Variants in QKI observed in about 807,000 individuals in gnomAD.
QKI encodes the protein QKI, KH domain containing RNA binding, also known as KH domain-containing RNA-binding protein QKI.
In QKI, 10 loss-of-function variants were observed where a neutral mutation model predicts 39.0. The ratio of observed to expected loss-of-function variants is 0.26; its 90% CI spans 0.16 to 0.43. The LOEUF is 0.43. Among genes scored for constraint, QKI ranks in the 20% least tolerant of loss-of-function variants. The pLI, the probability that QKI is intolerant of heterozygous loss-of-function variation, is 1.00. For synonymous variants in QKI, 204 were observed against 155.4 expected, an observed-to-expected ratio of 1.31 and a Z score of -2.33; for missense variants, 218 against 428.0, an observed-to-expected ratio of 0.51 and a Z score of 4.33.
chr6:163,544,783 G>A (rs1781766307), intron 4 of QKI, among the ~76,000 whole-genome samples: 1 of 152,024 alleles, frequency 6.6e-6, no homozygotes, highest in Non-Finnish European at 1.5e-5. Flanking sequence ...ATGTGGATGC[G>A]TCTTTCAAAA....
At chr6:163,516,374 A>C (rs1779799955) in intron 3 of QKI, among the ~76,000 whole-genome samples, 1 of 152,024 alleles carries the variant, frequency 6.6e-6, no homozygotes, top group Non-Finnish European at 1.5e-5. Flanking sequence ...GGATCACTGC[A>C]ACTTCTGCCT....
intron 2 of QKI, among the ~76,000 whole-genome samples, chr6:163,462,418 G>A (rs1457018342): frequency 6.6e-6 from 1 of 152,014 alleles, no homozygotes; most frequent in Admixed American, 6.6e-5. Context: ...CATAAACTTG[G>A]GCATCTACTT....
At chr6:163,494,282 G>A (rs1267400565) in intron 3 of QKI, among the ~76,000 whole-genome samples, 2 of 152,210 alleles carry the variant, frequency 1.3e-5, no homozygotes, top group African/African-American at 4.8e-5. Context: ...CCTGAGTTCT[G>A]TGCAAATACT....
At chr6:163,429,504 TAACTA>T (rs1300065176) in intron 1 of QKI, among the ~76,000 whole-genome samples, 3 of 152,184 alleles carry the variant, frequency 2.0e-5, no homozygotes, top group Non-Finnish European at 2.9e-5. Flanking sequence ...ATAATTTACT[TAACTA>T]ATCTGTTGGA....
intron 2 of QKI, among the ~76,000 whole-genome samples, chr6:163,469,754 T>C (rs1399746264): frequency 6.6e-6 from 1 of 152,162 alleles, no homozygotes; most frequent in Middle Eastern, 3.2e-3. Context: ...ATCTGTGACT[T>C]ACATAAACTG....
At chr6:163,490,236 T>C (rs1777968899) in intron 3 of QKI, among the ~76,000 whole-genome samples, 1 of 152,224 alleles carries the variant, frequency 6.6e-6, no homozygotes, top group African/African-American at 2.4e-5. Context: ...CCATGATATT[T>C]CAGTAAGTAG....
rs1230461228 is a variant in QKI, at chr6:163,571,317, A to G, written c.*607A>G. 1 of 152,226 alleles carries G rather than the reference A, an allele frequency of 6.6e-6. No homozygotes were observed. The highest frequency in any genetic ancestry group is 2.4e-5 in the African/African-American group (1 of 41,458). The allele number at this position is 152,226 out of a possible 1,614,324, so 9.4% of individuals were successfully genotyped here. A position where few individuals can be genotyped will look rare whatever the true frequency, so the allele number is the denominator to read the frequency against. ...GCCTGCCAAAATTTGAAGTATTAGA[A>G]GAAAGTGTGCCATGAGAGAAAAACT... On this transcript the variant is annotated 3_prime_UTR_variant, in exon 8 of 8. Coordinates refer to ENST00000361752, the MANE Select transcript of QKI (RefSeq NM_006775.3).
Position 163,562,054 on chromosome 6 carries a change from G to A in QKI, c.619G>A (p.Ala207Thr). 1 of 1,612,598 alleles carries A rather than the reference G, an allele frequency of 6.2e-7. No homozygotes were observed. Residue 207 changes from alanine to threonine, a missense_variant, in exon 5 of 8, where the codon GCC (alanine) becomes ACC (threonine). By Grantham distance (58) the Ala-to-Thr change is moderately conservative. Around this residue, in one of 3 missense-constraint regions of QKI, gnomAD observed 117 missense variants for 186.0 expected, o/e 0.63. Transcript: ENST00000361752. ...GATTCTGAATGGCACCTACAGAGAT[G>A]CCAACATTAAATCACGTAAGAATGA... ...LAILNGTYRDANIKSPALAFS... is the reference protein window; with the variant it reads ...LAILNGTYRDTNIKSPALAFS...
At chr6:163,569,009 A>G (rs1375463434) in intron 7 of QKI, 1 of 982,868 alleles carries the variant, frequency 1.0e-6, no homozygotes, top group African/African-American at 1.7e-5. Context: ...TTTCTGAGTA[A>G]TACAAAAACC....
intron 4 of QKI, among the ~76,000 whole-genome samples, chr6:163,537,009 G>C (rs1475829817): frequency 6.6e-6 from 1 of 152,084 alleles, no homozygotes; most frequent in African/African-American, 2.4e-5. Context: ...AGGAGTTCGA[G>C]ACCAGCCTGG....
intron 4 of QKI, among the ~76,000 whole-genome samples, chr6:163,560,699 A>G (rs1782939675): frequency 6.6e-6 from 1 of 152,232 alleles, no homozygotes; most frequent in African/African-American, 2.4e-5. Context: ...ATAGGCAACT[A>G]AAGTTTTTTA....
intron 1 of QKI, among the ~76,000 whole-genome samples, chr6:163,444,538 A>G (rs1250246244): frequency 1.5e-5 from 1 of 64,582 alleles, no homozygotes; most frequent in South Asian, 6.0e-4. Flanking sequence ...TTAAAGCAGT[A>G]TATTAAAGAA....
chr6:163,419,520 A>G (rs531359067), intron 1 of QKI, among the ~76,000 whole-genome samples: 12 of 152,300 alleles, frequency 7.9e-5, no homozygotes, highest in Non-Finnish European at 1.3e-4. Context: ...GCTTTTGTAC[A>G]CAGTCCTTGA....
intron 3 of QKI, among the ~76,000 whole-genome samples, chr6:163,495,795 G>C (rs1398220777): frequency 6.6e-6 from 1 of 152,042 alleles, no homozygotes; most frequent in African/African-American, 2.4e-5. Flanking sequence ...TTTTTCACAA[G>C]AATGTTTTAA....
chr6:163,497,182 G>T (rs1778461815), intron 3 of QKI, among the ~76,000 whole-genome samples: 2 of 152,092 alleles, frequency 1.3e-5, no homozygotes, highest in South Asian at 4.1e-4. Context: ...TGTCTTTAGT[G>T]TTGTGCTTTA....
rs955794188 is a variant in QKI, at chr6:163,572,837, A to C, written c.*2127A>C. ...TTTATTTACTATGCAATAGACATTC[A>C]TTGTTTTGTATCCAGCTAGCTTTGG... On this transcript the variant is annotated 3_prime_UTR_variant, in exon 8 of 8. Coordinates refer to ENST00000361752, the MANE Select transcript of QKI (RefSeq NM_006775.3). 1 of 151,830 alleles carries C rather than the reference A, an allele frequency of 6.6e-6. No individual in the cohort carries two copies. The highest frequency in any genetic ancestry group is 1.5e-5 in the Non-Finnish European group (1 of 67,982). The allele number at this position is 151,830 out of a possible 1,614,324, so 9.4% of individuals were successfully genotyped here. A position where few individuals can be genotyped will look rare whatever the true frequency, so the allele number is the denominator to read the frequency against.
At position 163,566,758 on chromosome 6, in the gene QKI, T is replaced by C. The variant is rs1783385632; in HGVS notation, c.972T>C (p.Arg324=). The change falls in exon 7 of 8, where the codon CGT becomes CGC. Residue 324 remains arginine (R), a synonymous_variant. Transcript: ENST00000361752. Reference sequence around the variant, plus strand: ...CTAAAGTTCGAAGGCACGATATGCGTGTCCATCCTTACCAAAGGATTGTGA... The same window carrying C: ...CTAAAGTTCGAAGGCACGATATGCGCGTCCATCCTTACCAAAGGATTGTGA... ...VATKVRRHDM[R]VHPYQRIVTA... 2 of 1,613,778 alleles carry C rather than the reference T, an allele frequency of 1.2e-6. No homozygotes were observed. The highest frequency in any genetic ancestry group is 8.5e-7 in the Non-Finnish European group (1 of 1,179,886).
At position 163,574,526 on chromosome 6, in the gene QKI, A is replaced by C. The variant is rs1474561103; in HGVS notation, c.*3816A>C. 6.6e-6 allele frequency: 1 copy of C among 152,210 alleles called. No individual in the cohort carries two copies. Among genetic ancestry groups the C allele is most frequent in the Non-Finnish European group, 1.5e-5 (1 of 68,042 alleles). 9.4% of individuals were successfully genotyped at this position (152,210 alleles called of 1,614,324 possible). ...TATTTTTTTCTCTGTCACCTACTTT[A>C]CAAATACAGTCAGACTAAAACATTA... On this transcript the variant is annotated 3_prime_UTR_variant, in exon 8 of 8. Coordinates refer to ENST00000361752, the MANE Select transcript of QKI (RefSeq NM_006775.3).
chr6:163,566,955 T>C, intron 7 of QKI, 160 bp downstream of exon 7: 1 of 1,394,324 alleles, frequency 7.2e-7, no homozygotes, highest in Non-Finnish European at 9.3e-7. Flanking sequence ...AAGGGTTGGG[T>C]TTTTTGTTTT....
Sources: allele counts gnomAD v4.1 joint callset (sites outside exome capture counted in the v4.1 genomes callset), GRCh38; gene constraint gnomAD v4.1.1; regional missense constraint gnomAD v4.1.1; transcripts MANE v1.5; gene names NCBI Gene and HGNC (gene_info 2026-07-23, HGNC 2026-07-21).